The following OSBP2 variants were observed in gnomAD, a reference collection of about 807,000 sequenced individuals.
The protein encoded by OSBP2 is oxysterol binding protein 2.
Under a neutral mutation model 96.0 loss-of-function variants are expected in OSBP2, and 66 were observed. The ratio of observed to expected loss-of-function variants is 0.69; its 90% CI spans 0.56 to 0.84. The LOEUF (loss-of-function observed/expected upper bound fraction) is 0.84, where lower values mean the gene tolerates loss of function less well. Ranked by LOEUF, OSBP2 falls within the 40% of genes least tolerant of loss-of-function variation. The pLI, the probability that OSBP2 is intolerant of heterozygous loss-of-function variation, is 0.00. For missense variants in OSBP2, 1,038 were observed against 1,222.7 expected, an observed-to-expected ratio of 0.85 and a Z score of 2.25; for synonymous variants, 525 against 520.9, an observed-to-expected ratio of 1.01 and a Z score of -0.11.
intron 2 of OSBP2, among the ~76,000 whole-genome samples, chr22:30,815,964 A>T (rs2091078538): frequency 6.6e-6 from 1 of 152,236 alleles, no homozygotes; most frequent in South Asian, 2.1e-4. Flanking sequence ...GAAAATTCCC[A>T]GGAGTCAGAT....
chr22:30,891,752 G>A (rs2039953542), intron 8 of OSBP2, among the ~76,000 whole-genome samples: 1 of 152,158 alleles, frequency 6.6e-6, no homozygotes, highest in African/African-American at 2.4e-5. Flanking sequence ...GGGTGATCTT[G>A]GGTCCTTGGC....
chr22:30,887,469 A>G lies in OSBP2; in HGVS notation c.1151A>G (p.Lys384Arg), dbSNP rs2039837487. Residue 384 changes from lysine to arginine, a missense_variant, in exon 4 of 14, where the codon AAA becomes AGA. This residue lies in a region of OSBP2 where 737 missense variants were observed against 913.3 expected (regional missense o/e 0.81). Coordinates refer to ENST00000332585, the MANE Select transcript of OSBP2 (RefSeq NM_030758.4). ...FLELAEIHSR[K>R]WQRALQYEQE... is the part of the protein sequence containing the mutation. ...GAACTAGCAGAGATACACAGTCGGAAATGGCAGCGGGCACTGCAGTATGAG... is the reference window on the plus strand; with the variant it reads ...GAACTAGCAGAGATACACAGTCGGAGATGGCAGCGGGCACTGCAGTATGAG... 6.2e-7 allele frequency: 1 copy of G among 1,613,760 alleles called. No homozygotes were observed.
chr22:30,854,483 AT>A (rs1410446805), intron 2 of OSBP2, among the ~76,000 whole-genome samples: 1 of 151,300 alleles, frequency 6.6e-6, no homozygotes, highest in Non-Finnish European at 1.5e-5. Context: ...TAATTTTTGA[AT>A]TTTTAGTAGA....
intron 2 of OSBP2, among the ~76,000 whole-genome samples, chr22:30,835,521 A>G (rs1340241155): frequency 6.6e-6 from 1 of 152,086 alleles, no homozygotes; most frequent in Non-Finnish European, 1.5e-5. Context: ...CCACACTTTC[A>G]ATAGACACTC....
At chr22:30,817,122 A>G (rs996913578) in intron 2 of OSBP2, among the ~76,000 whole-genome samples, 4 of 152,208 alleles carry the variant, frequency 2.6e-5, no homozygotes, top group African/African-American at 9.7e-5. Flanking sequence ...GCAACACATT[A>G]TCACAAATTG....
intron 1 of OSBP2, among the ~76,000 whole-genome samples, chr22:30,720,751 T>C (rs764079306): frequency 2.6e-5 from 4 of 152,220 alleles, no homozygotes; most frequent in Non-Finnish European, 5.9e-5. Context: ...TAATGAATGC[T>C]TAACTAATGA....
At chr22:30,892,718 C>A (rs2039975788) in intron 8 of OSBP2, among the ~76,000 whole-genome samples, 1 of 152,090 alleles carries the variant, frequency 6.6e-6, no homozygotes, top group Non-Finnish European at 1.5e-5. Flanking sequence ...CCAGTCTGGG[C>A]CCCCTTGGTA....
rs778429697 is a variant in OSBP2 at position 30,695,354 on chromosome 22, C to G, written c.445C>G (p.Pro149Ala). ...PESGSLPALK[P>A]LPLLRPGQAK... ...GTCAGGATCGCTGCCAGCGTTAAAG[C>G]CCCTGCCTCTTCTGCGACCAGGACA... The change falls in exon 1 of 14, where the codon CCC becomes GCC. Residue 149 changes from proline to alanine, a missense_variant. Pro to Ala is a conservative substitution (Grantham distance 27). Transcript: ENST00000332585. The G allele has an allele frequency of 1.2e-6, 2 of 1,613,810 alleles. No individual in the cohort carries two copies. Among genetic ancestry groups the G allele is most frequent in the Admixed American group, 3.3e-5 (2 of 60,032 alleles).
intron 3 of OSBP2, among the ~76,000 whole-genome samples, chr22:30,877,560 G>A (rs978368320): frequency 6.6e-6 from 1 of 152,180 alleles, no homozygotes; most frequent in African/African-American, 2.4e-5. Context: ...GGCTTGGAGT[G>A]TTAGCATCCA....
intron 2 of OSBP2, among the ~76,000 whole-genome samples, chr22:30,854,555 C>T (rs1268597220): frequency 4.0e-5 from 6 of 151,398 alleles, no homozygotes; most frequent in South Asian, 4.2e-4. Flanking sequence ...GTAATCCACC[C>T]GCCTCAGCCT....
At chr22:30,697,401 C>T (rs2089063225) in intron 1 of OSBP2, among the ~76,000 whole-genome samples, 1 of 152,162 alleles carries the variant, frequency 6.6e-6, no homozygotes, top group African/African-American at 2.4e-5. Flanking sequence ...GCCTCAGTCT[C>T]CCAAGTAGCT....
At chr22:30,748,242 C>T (rs943693000) in intron 2 of OSBP2, among the ~76,000 whole-genome samples, 5 of 150,684 alleles carry the variant, frequency 3.3e-5, no homozygotes, top group African/African-American at 4.9e-5. Context: ...AGTGCAGTGG[C>T]GCGATCTTGG....
At chr22:30,713,983 T>G (rs997510562) in intron 1 of OSBP2, among the ~76,000 whole-genome samples, 2 of 152,188 alleles carry the variant, frequency 1.3e-5, no homozygotes, top group Non-Finnish European at 2.9e-5. Context: ...CACCCTACAG[T>G]GCTGTAGAAC....
Position 30,893,151 on chromosome 22 carries a change from C to T in OSBP2, c.1899C>T (p.His633=). 6.2e-7 allele frequency: 1 copy of T among 1,614,134 alleles called. No individual in the cohort carries two copies. Among genetic ancestry groups the T allele is most frequent in the Non-Finnish European group, 8.5e-7 (1 of 1,179,974 alleles). The change falls in exon 9 of 14, where the codon CAC becomes CAT. Residue 633 remains histidine, a synonymous_variant. Coordinates refer to ENST00000332585, the MANE Select transcript of OSBP2 (RefSeq NM_030758.4). The part of the protein sequence containing the change: ...QVSHHPPSAA[H]YVFSKHGWSL... ...GCCACCACCCCCCCTCAGCTGCGCA[C>T]TACGTGTTCTCCAAGCATGGCTGGA...
intron 2 of OSBP2, among the ~76,000 whole-genome samples, chr22:30,807,379 C>T (rs2145851191): frequency 6.6e-6 from 1 of 152,322 alleles, no homozygotes; most frequent in South Asian, 2.1e-4. Flanking sequence ...TTTGCAAATG[C>T]CCTTCAGCCA....
At chr22:30,694,376 C>T (rs891479422), upstream of OSBP2, 1 of 1,506,804 alleles carries the variant, frequency 6.6e-7, no homozygotes, top group African/African-American at 1.4e-5. Context: ...GGGGCGTCGT[C>T]TTTAGCCTTT....
At chr22:30,793,354 C>G (rs574013257) in intron 2 of OSBP2, among the ~76,000 whole-genome samples, 1 of 152,248 alleles carries the variant, frequency 6.6e-6, no homozygotes, top group South Asian at 2.1e-4. Context: ...CACACCACTG[C>G]ACTCCAGCCT....
At chr22:30,693,826 G>C, upstream of OSBP2, 1 of 461,506 alleles carries the variant, frequency 2.2e-6, no homozygotes, top group Non-Finnish European at 4.0e-6. Context: ...ATTTAGCTGG[G>C]CATGGTGCGG....
chr22:30,724,249 A>C (rs1188102651), intron 1 of OSBP2, among the ~76,000 whole-genome samples: 1 of 151,860 alleles, frequency 6.6e-6, no homozygotes, highest in Non-Finnish European at 1.5e-5. Flanking sequence ...ACGGAGCCTC[A>C]CTCTGTCGCT....
Sources: gnomAD v4.1 joint callset for allele counts (sites outside exome capture counted in the v4.1 genomes callset) on GRCh38, gnomAD v4.1.1 for gene constraint, gnomAD v4.1.1 regional missense constraint, MANE v1.5 for transcripts, NCBI Gene and HGNC (gene_info 2026-07-23, HGNC 2026-07-21) for gene names.